Variants in SFXN5 observed in about 807,000 individuals in gnomAD.
SFXN5 encodes the protein sideroflexin 5.
SFXN5 carries 43 observed loss-of-function variants against 50.2 expected under a neutral mutation model. That is an observed-to-expected ratio of 0.86 (90% CI 0.67 to 1.11). The LOEUF (loss-of-function observed/expected upper bound fraction) is 1.11. SFXN5 is among the 50% of genes least tolerant of loss of function. The pLI, the probability that SFXN5 is intolerant of heterozygous loss-of-function variation, is 0.00. For missense variants in SFXN5, 463 were observed against 454.1 expected, an observed-to-expected ratio of 1.02 and a Z score of -0.18; for synonymous variants, 203 against 185.8, an observed-to-expected ratio of 1.09 and a Z score of -0.75.
chr2:72,999,399 T>A (rs562113156), intron 8 of SFXN5, among the ~76,000 whole-genome samples: 1 of 151,924 alleles, frequency 6.6e-6, no homozygotes, highest in East Asian at 1.9e-4. Context: ...GCTTTCTAGG[T>A]GGAAATGCCA....
At position 72,953,686 on chromosome 2, in the gene SFXN5, T is replaced by A. The variant is rs7559039; in HGVS notation, c.945+7445A>T. On this transcript the variant is annotated intron_variant, in intron 13 of 13. Coordinates refer to ENST00000272433, the MANE Select transcript of SFXN5 (RefSeq NM_144579.3). This position sits in a 1 kb window ranked among gnomAD's most constrained non-coding sequence, Gnocchi z 4.1. ...GCCTACACAGGTGAGGTGAGACAGA[T>A]CTTAGTGGGGAAGATCAGGGAGGAC... Among the ~76,000 whole-genome samples, 10,833 of 152,118 alleles carry A rather than the reference T, an allele frequency of 0.071. 1,020 individuals carry two copies. The highest frequency in any genetic ancestry group is 0.22 in the African/African-American group (9,052 of 41,468).
rs367963789 is a variant in SFXN5 at position 72,976,439 on chromosome 2, A to AT, written c.626-4755dup. On this transcript the variant is annotated intron_variant, in intron 10 of 13. Coordinates refer to ENST00000272433, the MANE Select transcript of SFXN5 (RefSeq NM_144579.3). ...AAAGAAGCTGATTAATTTCAGGAAT[A>AT]TTTTTTTTCTTCAAGTAAAGAACAA... Among the ~76,000 whole-genome samples, 9 of 152,220 alleles carry AT rather than the reference A, an allele frequency of 5.9e-5. No individual in the cohort carries two copies. In the South Asian group the frequency reaches 1.5e-3, roughly 25 times the overall value.
chr2:73,062,873 T>C (rs770456193), intron 1 of SFXN5, among the ~76,000 whole-genome samples: 4 of 152,126 alleles, frequency 2.6e-5, no homozygotes, highest in African/African-American at 9.7e-5. Flanking sequence ...GAGGAGGGTA[T>C]ATGCAAGAGG....
chr2:72,958,960 T>C (rs1185968712), intron 13 of SFXN5, among the ~76,000 whole-genome samples: 3 of 152,006 alleles, frequency 2.0e-5, no homozygotes, highest in African/African-American at 4.8e-5. Context: ...AGCCACCCCA[T>C]TTCTCACCTT....
At chr2:73,005,772 C>T (rs1674547939) in intron 6 of SFXN5, among the ~76,000 whole-genome samples, 1 of 152,166 alleles carries the variant, frequency 6.6e-6, no homozygotes, top group African/African-American at 2.4e-5. Flanking sequence ...CTTCTGATGC[C>T]CCCGCCATGG....
Position 72,944,006 on chromosome 2 carries a change from A to G in SFXN5, c.*1016T>C, listed in dbSNP as rs1671681092. 6.6e-6 allele frequency: 1 copy of G among 152,272 alleles called. No individual in the cohort carries two copies. Among genetic ancestry groups the G allele is most frequent in the South Asian group, 2.1e-4 (1 of 4,836 alleles). The allele number at this position is 152,272 out of a possible 1,614,324, so 9.4% of individuals were successfully genotyped here. A position where few individuals can be genotyped will look rare whatever the true frequency, so the allele number is the denominator to read the frequency against. On this transcript the variant is annotated 3_prime_UTR_variant, in exon 14 of 14. Transcript: ENST00000272433. ...GATGCTGCTTCTCTGATAGGTGTCT[A>G]AGGAGCTGGCCTAGGCATTCTCAGG...
intron 12 of SFXN5, among the ~76,000 whole-genome samples, chr2:72,964,803 A>C (rs1449331919): frequency 6.6e-6 from 1 of 152,200 alleles, no homozygotes; most frequent in East Asian, 1.9e-4. Context: ...ACCTCTCATC[A>C]CCTTATCAGA....
intron 6 of SFXN5, among the ~76,000 whole-genome samples, chr2:73,014,194 A>T (rs567297984): frequency 6.6e-6 from 1 of 152,254 alleles, no homozygotes; most frequent in African/African-American, 2.4e-5. Context: ...TATCATAAAC[A>T]TTGCTGCAAA....
Position 73,050,388 on chromosome 2 carries a change from G to GCGCACACA in SFXN5, c.171+8139_171+8140insTGTGTGCG. The stretch of plus-strand genomic sequence containing the variant: ...GTGGAGGTAGCGCCGCAGCCACAGC[G>GCGCACACA]CACGCACACACACACACACACACAC... On this transcript the variant is annotated intron_variant, in intron 2 of 13. Transcript: ENST00000272433. Among the ~76,000 whole-genome samples the GCGCACACA allele has an allele frequency of 2.1e-3, 304 of 143,910 alleles. 1 individual carries two copies. The highest frequency in any genetic ancestry group is 7.8e-3 in the African/African-American group (281 of 36,220). The allele number at this position is 143,910 out of a possible 152,430, so 94.4% of individuals were successfully genotyped here. A position where few individuals can be genotyped will look rare whatever the true frequency, so the allele number is the denominator to read the frequency against.
chr2:72,998,779 A>T, intron 9 of SFXN5, 170 bp downstream of exon 9: 3 of 666,342 alleles, frequency 4.5e-6, no homozygotes, highest in African/African-American at 1.8e-5. Context: ...TGCTCTGTCT[A>T]CTGGAGCCTC....
rs192615305 is a variant in SFXN5 at position 73,041,617 on chromosome 2, G to T, written c.172-686C>A. ...AGGCAGGAAAATCACCTGAACCCAG[G>T]AGGCAGGGGTTGCAGTGAGCCTGGG... On this transcript the variant is annotated intron_variant, in intron 2 of 13. Coordinates refer to ENST00000272433, the MANE Select transcript of SFXN5 (RefSeq NM_144579.3). The T allele has an allele frequency of 1.3e-3, 542 of 424,320 alleles. 2 individuals are homozygous for T. Among genetic ancestry groups the T allele is most frequent in the African/African-American group, 0.01 (499 of 49,020 alleles). 26.3% of individuals were successfully genotyped at this position (424,320 alleles called of 1,614,324 possible).
chr2:73,021,313 T>C (rs1676859619), intron 5 of SFXN5, among the ~76,000 whole-genome samples: 2 of 151,990 alleles, frequency 1.3e-5, no homozygotes, highest in Admixed American at 1.3e-4. Context: ...TGAAACCCCA[T>C]CTCTACTAAA....
intron 1 of SFXN5, among the ~76,000 whole-genome samples, chr2:73,069,194 A>G (rs1424493209): frequency 6.6e-6 from 1 of 152,146 alleles, no homozygotes; most frequent in East Asian, 1.9e-4. Flanking sequence ...TCAGATCTGC[A>G]CTGTTGGGAC....
chr2:73,062,533 C>A (rs973769076), intron 1 of SFXN5, among the ~76,000 whole-genome samples: 2 of 152,146 alleles, frequency 1.3e-5, no homozygotes, highest in African/African-American at 4.8e-5. Context: ...TCATCCTGTC[C>A]CAGCCCTGCC....
Position 73,029,058 on chromosome 2 carries a change from G to A in SFXN5, c.250-5844C>T, listed in dbSNP as rs189296321. On this transcript the variant is annotated intron_variant, in intron 3 of 13. Coordinates refer to ENST00000272433, the MANE Select transcript of SFXN5 (RefSeq NM_144579.3). The stretch of plus-strand genomic sequence containing the variant: ...TCCCAGCCTCCCCCGCAGTCAAGTG[G>A]CCTCCTGGGACCGGGTGCTGGCTAA... Among the ~76,000 whole-genome samples, 756 of 152,314 alleles carry A rather than the reference G, an allele frequency of 5.0e-3. 6 individuals are homozygous for A. Among genetic ancestry groups the A allele is most frequent in the South Asian group, 0.012 (58 of 4,826 alleles).
intron 2 of SFXN5, among the ~76,000 whole-genome samples, chr2:73,047,275 T>TACACACATATATATATATATATATATAC (rs1680575711): frequency 1.9e-5 from 1 of 51,746 alleles, no homozygotes; most frequent in Non-Finnish European, 3.4e-5. Flanking sequence ...TATATATATA[T>TACACACATATATATATATATATATATAC]ACACACATAT....
At position 73,009,867 on chromosome 2, in the gene SFXN5, C is replaced by T. The variant is rs1044913138; in HGVS notation, c.358-8289G>A. 7.9e-5 allele frequency among the ~76,000 whole-genome samples: 12 copies of T among 152,112 alleles called. 1 individual carries two copies. Among genetic ancestry groups the T allele is most frequent in the East Asian group, 5.8e-4 (3 of 5,190 alleles). On this transcript the variant is annotated intron_variant, in intron 6 of 13. Coordinates refer to ENST00000272433, the MANE Select transcript of SFXN5 (RefSeq NM_144579.3). ...GGGTAGGGTAAGGAGAGAGTGGAAA[C>T]GTATGGGGTGAGCCTCAGTAACTCC...
chr2:72,946,941 C>T (rs542581314), intron 13 of SFXN5, among the ~76,000 whole-genome samples: 27 of 152,302 alleles, frequency 1.8e-4, no homozygotes, highest in East Asian at 3.9e-4. Context: ...TTTGGTTCCT[C>T]GCACACCCTG....
At chr2:72,965,374 C>T (rs1008498784) in intron 12 of SFXN5, among the ~76,000 whole-genome samples, 1 of 152,208 alleles carries the variant, frequency 6.6e-6, no homozygotes, top group African/African-American at 2.4e-5. Context: ...TGAAACCTTG[C>T]ACTCATTCTC....
Sources: allele counts gnomAD v4.1 joint callset (sites outside exome capture counted in the v4.1 genomes callset), GRCh38; gene constraint gnomAD v4.1.1; non-coding constraint Gnocchi (gnomAD v3.1); transcripts MANE v1.5; gene names NCBI Gene and HGNC (gene_info 2026-07-23, HGNC 2026-07-21).